Variants in MIB1 observed in about 807,000 individuals in gnomAD.
MIB1 encodes the protein E3 ubiquitin-protein ligase MIB1.
A neutral mutation model predicts 124.5 loss-of-function variants in MIB1; 278 were observed. The ratio of observed to expected loss-of-function variants is 2.23; its 90% CI spans 2.02 to 2.47. The LOEUF (loss-of-function observed/expected upper bound fraction) is 2.47. MIB1 is among the 30% of genes most tolerant of loss of function. The pLI, the probability that MIB1 is intolerant of heterozygous loss-of-function variation, is 0.00. For missense variants in MIB1, 957 were observed against 1,254.4 expected (o/e 0.76, Z 3.58); for synonymous variants, 446 against 429.4 (o/e 1.04, Z -0.48).
intron 1 of MIB1, among the ~76,000 whole-genome samples, chr18:21,755,141 T>C (rs2041016964): frequency 6.6e-6 from 1 of 152,126 alleles, no homozygotes; most frequent in South Asian, 2.1e-4. Context: ...TGTCTTATCA[T>C]GTCTGGGAAC....
At chr18:21,749,424 TAAAC>T (rs1315987024) in intron 1 of MIB1, among the ~76,000 whole-genome samples, 1 of 152,172 alleles carries the variant, frequency 6.6e-6, no homozygotes, top group East Asian at 1.9e-4. Flanking sequence ...TTTGTCATTT[TAAAC>T]AACACTGCAA....
intron 6 of MIB1, among the ~76,000 whole-genome samples, chr18:21,782,356 C>T (rs1339545927): frequency 6.6e-6 from 1 of 152,128 alleles, no homozygotes; most frequent in African/African-American, 2.4e-5. Flanking sequence ...CTCCTGACCT[C>T]CCGTGATCCG....
At chr18:21,802,552 C>A (rs1389617169) in intron 9 of MIB1, among the ~76,000 whole-genome samples, 1 of 152,126 alleles carries the variant, frequency 6.6e-6, no homozygotes, top group Non-Finnish European at 1.5e-5. Context: ...GATACAATGT[C>A]ATGTCTTTCC....
chr18:21,737,404 A>G (rs3017031), upstream of MIB1, among the ~76,000 whole-genome samples: 29,419 of 152,172 alleles, frequency 0.19, 4,569 homozygotes, highest in African/African-American at 0.43. Context: ...AGGAACAGCC[A>G]GTACCAGCCA....
Position 21,779,677 on chromosome 18 carries a change from T to A in MIB1, c.900T>A (p.Ser300Arg), listed in dbSNP as rs1455225893. ...EDHDIVVQYP[S>R]GNRWTFNPAV... Reference sequence around the variant, plus strand: ...ATGACATTGTAGTACAGTATCCAAGTGGCAATAGGTGGGTGATATCTCTCA... The same window carrying A: ...ATGACATTGTAGTACAGTATCCAAGAGGCAATAGGTGGGTGATATCTCTCA... The change falls in exon 6 of 21, where the codon AGT (serine) becomes AGA (arginine). Residue 300 changes from serine (S) to arginine (R), a missense_variant. Ser to Arg is a moderately radical substitution (Grantham distance 110). Coordinates refer to ENST00000261537, the MANE Select transcript of MIB1 (RefSeq NM_020774.4). 1 of 1,612,062 alleles carries A rather than the reference T, an allele frequency of 6.2e-7. No individual in the cohort carries two copies. Among genetic ancestry groups the A allele is most frequent in the Non-Finnish European group, 8.5e-7 (1 of 1,178,266 alleles).
chr18:21,828,903 A>G (rs2041952234), intron 12 of MIB1: 2 of 375,350 alleles, frequency 5.3e-6, no homozygotes, highest in Middle Eastern at 3.8e-4. Flanking sequence ...GCCAAAGGTC[A>G]TCTGTTCATG....
chr18:21,826,002 G>A (rs896446261), intron 12 of MIB1: 11 of 247,002 alleles, frequency 4.5e-5, no homozygotes, highest in African/African-American at 9.5e-5. Flanking sequence ...AATGATCAAT[G>A]TACGTCTTTG....
intron 12 of MIB1, among the ~76,000 whole-genome samples, chr18:21,823,911 T>A (rs960077877): frequency 7.2e-5 from 11 of 152,208 alleles, no homozygotes; most frequent in Non-Finnish European, 1.3e-4. Flanking sequence ...TAGAAATTAT[T>A]TCTGCTGATA....
chr18:21,750,323 T>C (rs1443407817), intron 1 of MIB1, among the ~76,000 whole-genome samples: 3 of 152,184 alleles, frequency 2.0e-5, no homozygotes, highest in Admixed American at 6.5e-5. Context: ...AGCTAATTTT[T>C]GTATTTTATT....
At chr18:21,755,479 G>A (rs1205848366) in intron 1 of MIB1, among the ~76,000 whole-genome samples, 5 of 151,940 alleles carry the variant, frequency 3.3e-5, no homozygotes, top group East Asian at 1.9e-4. Flanking sequence ...TTACAGGCGC[G>A]TACCACCACG....
At chr18:21,858,472 G>C in intron 19 of MIB1, 74 bp from the exon 20 acceptor site, 1 of 748,642 alleles carries the variant, frequency 1.3e-6, no homozygotes, top group Non-Finnish European at 2.2e-6. Flanking sequence ...AAACAAAACA[G>C]TAATATTTTA....
At chr18:21,858,317 T>G (rs1196416008) in intron 19 of MIB1, among the ~76,000 whole-genome samples, 1 of 152,218 alleles carries the variant, frequency 6.6e-6, no homozygotes, top group Non-Finnish European at 1.5e-5. Context: ...CTGGCTGAGA[T>G]AAATATAATT....
chr18:21,728,572 T>C (rs1231258595), intron 1 of MIB1, among the ~76,000 whole-genome samples: 1 of 152,168 alleles, frequency 6.6e-6, no homozygotes, highest in East Asian at 1.9e-4. Flanking sequence ...TCATCACCAA[T>C]ATCTTAAAAG....
chr18:21,772,279 G>A (rs2041232267), intron 3 of MIB1, among the ~76,000 whole-genome samples: 2 of 152,154 alleles, frequency 1.3e-5, no homozygotes, highest in Non-Finnish European at 2.9e-5. Flanking sequence ...AACTATGAAG[G>A]ATGGCTGTGA....
intron 1 of MIB1, among the ~76,000 whole-genome samples, chr18:21,754,650 A>T (rs1003213055): frequency 1.2e-4 from 19 of 152,248 alleles, no homozygotes; most frequent in African/African-American, 4.1e-4. Flanking sequence ...TCAGGGAAAG[A>T]GGAAAAAATC....
intron 17 of MIB1, among the ~76,000 whole-genome samples, chr18:21,850,799 G>T (rs1160141907): frequency 6.6e-6 from 1 of 152,130 alleles, no homozygotes; most frequent in African/African-American, 2.4e-5. Flanking sequence ...ATTCGCTTTA[G>T]CTACCTGTTT....
chr18:21,742,320 G>T, intron 1 of MIB1, among the ~76,000 whole-genome samples: 1 of 149,128 alleles, frequency 6.7e-6, no homozygotes, highest in Non-Finnish European at 1.5e-5. Context: ...AGAATTACTT[G>T]GAGTTCAGTA....
chr18:21,791,578 T>C, intron 7 of MIB1, 21 bp downstream of exon 7: 4 of 1,579,034 alleles, frequency 2.5e-6, no homozygotes, highest in Non-Finnish European at 2.6e-6. Flanking sequence ...TTAGAATAAT[T>C]CTGGGCTAGA....
intron 12 of MIB1, among the ~76,000 whole-genome samples, chr18:21,821,585 G>T (rs1046675057): frequency 2.1e-5 from 3 of 144,270 alleles, no homozygotes; most frequent in Non-Finnish European, 3.0e-5. Flanking sequence ...TTCTGTGTGT[G>T]TTTTTTTTGT....
Sources: gnomAD v4.1 joint callset for allele counts (sites outside exome capture counted in the v4.1 genomes callset) on GRCh38, gnomAD v4.1.1 for gene constraint, MANE v1.5 for transcripts, NCBI Gene and HGNC (gene_info 2026-07-23, HGNC 2026-07-21) for gene names.